TNRC6A: variants seen among roughly 807,000 people sequenced by gnomAD.
The protein encoded by TNRC6A is trinucleotide repeat-containing gene 6A protein.
Under a neutral mutation model 221.2 loss-of-function variants are expected in TNRC6A, and 44 were observed. That is an observed-to-expected ratio of 0.20 (90% CI 0.16 to 0.26). The LOEUF (loss-of-function observed/expected upper bound fraction) is 0.26, where lower values mean the gene tolerates loss of function less well. Among genes scored for constraint, TNRC6A ranks in the 10% least tolerant of loss-of-function variants. The pLI, the probability that TNRC6A is intolerant of heterozygous loss-of-function variation, is 1.00. For missense variants in TNRC6A, 2,199 were observed against 2,404.4 expected (o/e 0.91, Z 1.79); for synonymous variants, 847 against 838.5 (o/e 1.01, Z -0.18).
chr16:24,675,222 G>C (rs1270421069), intron 2 of TNRC6A, among the ~76,000 whole-genome samples: 1 of 152,164 alleles, frequency 6.6e-6, no homozygotes, highest in African/African-American at 2.4e-5. Context: ...AATAATCAAA[G>C]AAACACAAGC....
chr16:24,648,273 A>ATTTTTTTTTTTTT (rs1902398993), intron 2 of TNRC6A, among the ~76,000 whole-genome samples: 5 of 51,734 alleles, frequency 9.7e-5, no homozygotes, highest in African/African-American at 1.4e-4. Flanking sequence ...TTCCACAGCA[A>ATTTTTTTTTTTTT]CTTTTTTTTT....
At chr16:24,760,715 G>A (rs2057345444) in intron 4 of TNRC6A, among the ~76,000 whole-genome samples, 1 of 151,164 alleles carries the variant, frequency 6.6e-6, no homozygotes. Context: ...ACTTGGTGGT[G>A]GTGGTGTTTA....
intron 2 of TNRC6A, among the ~76,000 whole-genome samples, chr16:24,666,571 T>C (rs2055166701): frequency 7.7e-6 from 1 of 129,314 alleles, no homozygotes; most frequent in African/African-American, 3.0e-5. Context: ...GCCCCAGAGG[T>C]CAAGGCTGCC....
In TNRC6A at chr16:24,802,796, G is replaced by A. The variant is rs185117664; in HGVS notation, c.3695-1381G>A. Reference sequence around the variant, plus strand: ...GTATCCCAGCATTGAAGAAGCACCCGAGGTGAGCTCAGCATGGGTAGAGGA... The same window carrying A: ...GTATCCCAGCATTGAAGAAGCACCCAAGGTGAGCTCAGCATGGGTAGAGGA... On this transcript the variant is annotated intron_variant, in intron 11 of 24. Transcript: ENST00000395799. Among the ~76,000 whole-genome samples the A allele has an allele frequency of 3.0e-4, 45 of 152,310 alleles. 1 individual carries two copies. The highest frequency in any genetic ancestry group is 2.7e-3 in the Admixed American group (41 of 15,306).
intron 2 of TNRC6A, among the ~76,000 whole-genome samples, chr16:24,696,602 G>A (rs11866018): frequency 0.071 from 10,769 of 150,978 alleles, 803 homozygotes; most frequent in East Asian, 0.32. Flanking sequence ...GTGGTGGCTC[G>A]CCTGTGGTTC....
rs1425015987 is a variant in TNRC6A, at chr16:24,729,682, T to TGTC, written c.-158_-156dup. ...GGTCTGGGGCCTGCGGCGGCGGCGG[T>TGTC]GTCGGCGGCGGCGGCGGCGGCGGCG... On this transcript the variant is annotated 5_prime_UTR_variant, in exon 1 of 25. Transcript: ENST00000395799. 4.4e-6 allele frequency: 3 copies of TGTC among 677,758 alleles called. No individual in the cohort carries two copies. Among genetic ancestry groups the TGTC allele is most frequent in the African/African-American group, 2.5e-5 (1 of 39,798 alleles). The allele number at this position is 677,758 out of a possible 1,614,324, so 42.0% of individuals were successfully genotyped here.
At chr16:24,703,250 T>C (rs2056025568) in intron 2 of TNRC6A, among the ~76,000 whole-genome samples, 1 of 152,144 alleles carries the variant, frequency 6.6e-6, no homozygotes, top group Non-Finnish European at 1.5e-5. Context: ...TTCCTCTCTC[T>C]ATGGATTTAC....
chr16:24,780,644 A>G lies in TNRC6A; in HGVS notation c.589+3286A>G, dbSNP rs193226810. Among the ~76,000 whole-genome samples the G allele has an allele frequency of 2.2e-3, 336 of 152,310 alleles. 1 individual carries two copies. The highest frequency in any genetic ancestry group is 7.7e-3 in the African/African-American group (319 of 41,554). ...CCACTGGTATACCTACTGGCGAAGG[A>G]AAGAGAGAGAATACCTGCGAGTTTT... On this transcript the variant is annotated intron_variant, in intron 5 of 24. Coordinates refer to ENST00000395799, the MANE Select transcript of TNRC6A (RefSeq NM_014494.4).
At position 24,791,193 on chromosome 16, in the gene TNRC6A, G is replaced by C; in HGVS notation, c.2551G>C (p.Val851Leu). ...ACAAAAATCAAGCCAAGGGTGGTCTGTTTCTGCCAGTGATAACTGGGGAGA... is the reference window on the plus strand; with the variant it reads ...ACAAAAATCAAGCCAAGGGTGGTCTCTTTCTGCCAGTGATAACTGGGGAGA... Reference protein sequence around the residue: ...DGQKSSQGWSVSASDNWGETS... With the variant: ...DGQKSSQGWSLSASDNWGETS... Residue 851 changes from valine to leucine, a missense_variant, in exon 6 of 25, where the codon GTT (valine) becomes CTT (leucine). Val to Leu is a conservative substitution (Grantham distance 32). Transcript: ENST00000395799. The C allele has an allele frequency of 1.2e-6, 2 of 1,614,142 alleles. No individual in the cohort carries two copies. The highest frequency in any genetic ancestry group is 1.3e-5 in the African/African-American group (1 of 75,050).
chr16:24,771,582 T>TTTTATGTTATGTTA, intron 4 of TNRC6A, among the ~76,000 whole-genome samples: 10 of 95,478 alleles, frequency 1.0e-4, no homozygotes, highest in Non-Finnish European at 1.6e-4. Context: ...TTATGTTATG[T>TTTTATGTTATGTTA]TGTTATGTTA....
At chr16:24,737,846 CAT>C (rs59036974) in intron 2 of TNRC6A, among the ~76,000 whole-genome samples, 39,215 of 151,970 alleles carry the variant, frequency 0.26, 5,457 homozygotes, top group Non-Finnish European at 0.31. Flanking sequence ...TTCCCTAAAA[CAT>C]GTGTGCACAG....
At chr16:24,755,543 T>C (rs1247802136) in intron 3 of TNRC6A, among the ~76,000 whole-genome samples, 1 of 152,244 alleles carries the variant, frequency 6.6e-6, no homozygotes, top group Non-Finnish European at 1.5e-5. Context: ...CACAGTTCTA[T>C]AGATGAGGAA....
chr16:24,809,089 A>G (rs1487796146), intron 17 of TNRC6A, among the ~76,000 whole-genome samples: 1 of 152,228 alleles, frequency 6.6e-6, no homozygotes, highest in East Asian at 1.9e-4. Context: ...GGAAATAGCT[A>G]AACAGATACA....
chr16:24,771,602 A>G (rs1596666234), intron 4 of TNRC6A, among the ~76,000 whole-genome samples: 1 of 101,004 alleles, frequency 9.9e-6, no homozygotes, highest in Admixed American at 9.9e-5. Context: ...ATGTTATGTT[A>G]TGTTATGTTA....
At chr16:24,617,174 G>A (rs1246562743) in intron 1 of TNRC6A, among the ~76,000 whole-genome samples, 1 of 151,450 alleles carries the variant, frequency 6.6e-6, no homozygotes, top group Non-Finnish European at 1.5e-5. Context: ...TGCCCAGGCT[G>A]GAGTGCAGTG....
chr16:24,791,934 G>A (rs1212342352), intron 6 of TNRC6A, 117 bp downstream of exon 6: 1 of 1,205,562 alleles, frequency 8.3e-7, no homozygotes, highest in African/African-American at 1.6e-5. Context: ...TCCAGAAGCA[G>A]CTTGAAAAAA....
intron 3 of TNRC6A, 144 bp downstream of exon 3, chr16:24,750,957 A>G: frequency 1.3e-6 from 1 of 776,832 alleles, no homozygotes; most frequent in South Asian, 4.5e-5. Context: ...GTCTTTGAAT[A>G]TGCATATAAA....
chr16:24,664,938 A>G (rs1292960833), intron 2 of TNRC6A: 1 of 456,440 alleles, frequency 2.2e-6, no homozygotes, highest in African/African-American at 2.0e-5. Context: ...AGCCAGCAGA[A>G]GTAAGGCACG....
In TNRC6A at chr16:24,811,021, C is replaced by T. The variant is rs141756723; in HGVS notation, c.4672+1540C>T. On this transcript the variant is annotated intron_variant, in intron 18 of 24. Coordinates refer to ENST00000395799, the MANE Select transcript of TNRC6A (RefSeq NM_014494.4). ...CCTCAGAGGTCAGACAAATACAGGA[C>T]GGACCCGAGTCGCAGGCAGAAAAGA... Among the ~76,000 whole-genome samples the T allele has an allele frequency of 2.8e-3, 422 of 152,232 alleles. 1 individual carries two copies. The highest frequency in any genetic ancestry group is 9.8e-3 in the African/African-American group (405 of 41,524).
Sources: allele counts gnomAD v4.1 joint callset (sites outside exome capture counted in the v4.1 genomes callset), GRCh38; gene constraint gnomAD v4.1.1; transcripts MANE v1.5; gene names NCBI Gene and HGNC (gene_info 2026-07-23, HGNC 2026-07-21).